NPAS3: variants seen among roughly 807,000 people sequenced by gnomAD.
NPAS3 encodes neuronal PAS domain-containing protein 3.
A neutral mutation model predicts 73.1 loss-of-function variants in NPAS3; 14 were observed. The ratio of observed to expected loss-of-function variants is 0.19; its 90% CI spans 0.13 to 0.30. The LOEUF is 0.30. NPAS3 is among the 10% of genes least tolerant of loss of function. The pLI is 1.00. For missense variants in NPAS3, 1,096 were observed against 1,250.0 expected, an observed-to-expected ratio of 0.88 and a Z score of 1.86; for synonymous variants, 620 against 541.5, an observed-to-expected ratio of 1.14 and a Z score of -2.01.
chr14:33,554,379 T>G lies in NPAS3; in HGVS notation c.469-5742T>G, dbSNP rs80337072. 3.7e-3 allele frequency among the ~76,000 whole-genome samples: 561 copies of G among 152,316 alleles called. 4 individuals are homozygous for G. The highest frequency in any genetic ancestry group is 0.013 in the African/African-American group (522 of 41,562). On this transcript the variant is annotated intron_variant, in intron 4 of 11. Transcript: ENST00000356141. ...TATACTCTATCACGTATGGGCATTT[T>G]CTCTGCAGTCTGAGCCTGAATTGGA...
chr14:33,691,100 T>C (rs1356899668), intron 6 of NPAS3, among the ~76,000 whole-genome samples: 6 of 152,204 alleles, frequency 3.9e-5, no homozygotes, highest in Non-Finnish European at 8.8e-5. Context: ...ATAAGCACAT[T>C]TTAAAAACAT....
intron 3 of NPAS3, among the ~76,000 whole-genome samples, chr14:33,254,044 C>G (rs938428176): frequency 6.6e-6 from 1 of 152,082 alleles, no homozygotes; most frequent in African/African-American, 2.4e-5. Context: ...GCTAGATCAG[C>G]TCTTCTCCAT....
chr14:33,064,457 G>A (rs2041213102), intron 2 of NPAS3, among the ~76,000 whole-genome samples: 1 of 152,112 alleles, frequency 6.6e-6, no homozygotes, highest in Non-Finnish European at 1.5e-5. Context: ...CTCTGTAAAT[G>A]GCCTTGGATT....
intron 4 of NPAS3, among the ~76,000 whole-genome samples, chr14:33,438,050 CTG>C (rs1380032937): frequency 6.6e-6 from 1 of 152,138 alleles, no homozygotes; most frequent in African/African-American, 2.4e-5. Flanking sequence ...TGAAAATACA[CTG>C]TATCGCGTTT....
chr14:33,362,022 G>A (rs931899765), intron 3 of NPAS3, among the ~76,000 whole-genome samples: 2 of 152,086 alleles, frequency 1.3e-5, no homozygotes, highest in African/African-American at 2.4e-5. Context: ...TTTCATGTAT[G>A]TGTTTTCATA....
At chr14:33,028,471 A>T (rs1306106659) in intron 1 of NPAS3, among the ~76,000 whole-genome samples, 1 of 152,156 alleles carries the variant, frequency 6.6e-6, no homozygotes, top group Admixed American at 6.5e-5. Context: ...TAAACACAAA[A>T]CTTTGTGCTA....
At chr14:33,038,718 G>T (rs2040254133) in intron 1 of NPAS3, among the ~76,000 whole-genome samples, 1 of 152,092 alleles carries the variant, frequency 6.6e-6, no homozygotes, top group African/African-American at 2.4e-5. Flanking sequence ...TGCTGTGTTT[G>T]CCAGTTGTTT....
intron 5 of NPAS3, among the ~76,000 whole-genome samples, chr14:33,580,673 C>G (rs2056629513): frequency 1.3e-5 from 2 of 152,148 alleles, no homozygotes; most frequent in Admixed American, 1.3e-4. Flanking sequence ...AATTGCTCAG[C>G]TCACTCTAAG....
At chr14:33,535,717 A>T (rs1196231694) in intron 4 of NPAS3, among the ~76,000 whole-genome samples, 2 of 152,186 alleles carry the variant, frequency 1.3e-5, no homozygotes, top group African/African-American at 4.8e-5. Context: ...GTTAATGAAG[A>T]CGAATTACTC....
chr14:33,238,590 TTTAGAAGTC>T (rs2048116785), intron 3 of NPAS3, among the ~76,000 whole-genome samples: 1 of 152,004 alleles, frequency 6.6e-6, no homozygotes, highest in African/African-American at 2.4e-5. Context: ...TGCATGTTGT[TTTAGAAGTC>T]TTAAGAAATT....
chr14:33,047,461 A>G (rs2040549934), intron 1 of NPAS3, among the ~76,000 whole-genome samples: 1 of 152,186 alleles, frequency 6.6e-6, no homozygotes. Flanking sequence ...ATGTATCTTA[A>G]CTTATGCAAT....
intron 1 of NPAS3, among the ~76,000 whole-genome samples, chr14:33,050,530 G>A (rs1005032590): frequency 6.6e-6 from 1 of 152,062 alleles, no homozygotes; most frequent in Non-Finnish European, 1.5e-5. Context: ...AAAGGGGAGG[G>A]CCTAGAACTT....
chr14:32,978,056 C>T (rs533859342), intron 1 of NPAS3, among the ~76,000 whole-genome samples: 1 of 152,268 alleles, frequency 6.6e-6, no homozygotes, highest in Admixed American at 6.5e-5. Flanking sequence ...TGCAATAACC[C>T]TGTGAGGCAA....
At chr14:33,548,418 G>A (rs372828776) in intron 4 of NPAS3, among the ~76,000 whole-genome samples, 7 of 152,126 alleles carry the variant, frequency 4.6e-5, no homozygotes, top group African/African-American at 7.2e-5. Context: ...TGAGATTATC[G>A]ATTCAAGGTT....
chr14:33,604,983 G>A (rs1055004317), intron 5 of NPAS3, among the ~76,000 whole-genome samples: 2 of 152,000 alleles, frequency 1.3e-5, no homozygotes, highest in Admixed American at 1.3e-4. Context: ...AGCACTAAAT[G>A]CCTATGTTTG....
At chr14:33,328,383 G>A (rs1317379382) in intron 3 of NPAS3, among the ~76,000 whole-genome samples, 2 of 128,496 alleles carry the variant, frequency 1.6e-5, no homozygotes, top group Non-Finnish European at 3.4e-5. Context: ...AATTTTATTT[G>A]TTTTTCCTGT....
chr14:33,133,988 T>G (rs1448911937), intron 2 of NPAS3, among the ~76,000 whole-genome samples: 1 of 152,152 alleles, frequency 6.6e-6, no homozygotes, highest in Non-Finnish European at 1.5e-5. Flanking sequence ...TAAAGGAATT[T>G]GCAACTGAGG....
intron 8 of NPAS3, among the ~76,000 whole-genome samples, chr14:33,776,152 A>G (rs2062808118): frequency 6.6e-6 from 1 of 152,214 alleles, no homozygotes; most frequent in East Asian, 1.9e-4. Context: ...ATATGTACCC[A>G]TGAAAGAACC....
At chr14:33,088,547 G>T (rs992762624) in intron 2 of NPAS3, among the ~76,000 whole-genome samples, 2 of 152,174 alleles carry the variant, frequency 1.3e-5, no homozygotes, top group Non-Finnish European at 2.9e-5. Flanking sequence ...CAGGAAACTC[G>T]AACTGGGTGG....
Sources: allele counts gnomAD v4.1 joint callset (sites outside exome capture counted in the v4.1 genomes callset), GRCh38; gene constraint gnomAD v4.1.1; transcripts MANE v1.5; gene names NCBI Gene and HGNC (gene_info 2026-07-23, HGNC 2026-07-21).